MATN2: variants seen among roughly 807,000 people sequenced by gnomAD.
The protein encoded by MATN2 is matrilin 2.
MATN2 carries 69 observed loss-of-function variants against 103.2 expected under a neutral mutation model. The observed-to-expected ratio is 0.67, with a 90% confidence interval of 0.55 to 0.82. MATN2 has a LOEUF of 0.82. Among genes scored for constraint, MATN2 ranks in the 40% least tolerant of loss-of-function variants. The probability of loss-of-function intolerance (pLI) is 0.00; values close to 1 mark genes in which losing one functional copy is unlikely to be tolerated. For synonymous variants in MATN2, 429 were observed against 450.2 expected (o/e 0.95, Z 0.60); for missense variants, 1,023 against 1,211.5 (o/e 0.84, Z 2.31).
At chr8:97,885,334 T>C (rs976521453) in intron 1 of MATN2, among the ~76,000 whole-genome samples, 2 of 152,014 alleles carry the variant, frequency 1.3e-5, no homozygotes, top group African/African-American at 4.8e-5. Context: ...TAAAATAAGG[T>C]GAGGGCATGA....
At chr8:97,911,642 G>A (rs1448558397) in intron 2 of MATN2, among the ~76,000 whole-genome samples, 1 of 150,850 alleles carries the variant, frequency 6.6e-6, no homozygotes, top group Non-Finnish European at 1.5e-5. Flanking sequence ...GGGAGGCAGA[G>A]GTTGTAGTGA....
intron 2 of MATN2, among the ~76,000 whole-genome samples, chr8:97,906,366 A>G (rs555650874): frequency 6.6e-6 from 1 of 152,332 alleles, no homozygotes. Flanking sequence ...TCAAGAGCTC[A>G]GAGATATTGT....
At chr8:98,004,462 G>C (rs1042934327) in intron 8 of MATN2, among the ~76,000 whole-genome samples, 1 of 152,192 alleles carries the variant, frequency 6.6e-6, no homozygotes, top group African/African-American at 2.4e-5. Context: ...ACTTGGGCAA[G>C]TTATTTAACT....
intron 2 of MATN2, among the ~76,000 whole-genome samples, chr8:97,901,977 T>TA (rs1452945099): frequency 1.3e-5 from 2 of 152,188 alleles, no homozygotes; most frequent in Non-Finnish European, 2.9e-5. Flanking sequence ...TCTGTTGTTA[T>TA]AAATTATAGC....
At chr8:97,894,326 T>C (rs1370815803) in intron 2 of MATN2, among the ~76,000 whole-genome samples, 1 of 139,708 alleles carries the variant, frequency 7.2e-6, no homozygotes, top group East Asian at 2.1e-4. Context: ...AATTCACCTT[T>C]TTTTTTTTTT....
chr8:97,905,583 G>A (rs4735508), intron 2 of MATN2, among the ~76,000 whole-genome samples: 21,941 of 152,078 alleles, frequency 0.14, 1,836 homozygotes, highest in Admixed American at 0.24. Flanking sequence ...TCAAAAATAC[G>A]CTACATTTTA....
At chr8:97,889,181 A>C (rs1818541521) in intron 2 of MATN2, among the ~76,000 whole-genome samples, 1 of 152,012 alleles carries the variant, frequency 6.6e-6, no homozygotes, top group African/African-American at 2.4e-5. Context: ...AGAACTGCCC[A>C]GTGACCTGGT....
chr8:97,982,295 C>T lies in MATN2; in HGVS notation c.1081+3287C>T, dbSNP rs1812054027. On this transcript the variant is annotated intron_variant, in intron 6 of 18. Coordinates refer to ENST00000254898, the MANE Select transcript of MATN2 (RefSeq NM_002380.5). The surrounding 1 kb of genome is among the most constrained non-coding windows in gnomAD (Gnocchi z 4.3). Reference sequence around the variant, plus strand: ...AGGGACAAGAACTGAGAAATAGAGACTAGTTAAAATTACAGAAACAGGATA... The same window carrying T: ...AGGGACAAGAACTGAGAAATAGAGATTAGTTAAAATTACAGAAACAGGATA... Among the ~76,000 whole-genome samples, 1 of 152,202 alleles carries T rather than the reference C, an allele frequency of 6.6e-6. No homozygotes were observed. Among genetic ancestry groups the T allele is most frequent in the East Asian group, 1.9e-4 (1 of 5,198 alleles).
intron 14 of MATN2, among the ~76,000 whole-genome samples, chr8:98,029,241 T>A (rs565916616): frequency 4.6e-5 from 7 of 152,324 alleles, no homozygotes; most frequent in Non-Finnish European, 1.0e-4. Context: ...ATCATCTGGA[T>A]AGATTGTAAA....
chr8:97,961,376 C>T lies in MATN2; in HGVS notation c.836-32C>T, dbSNP rs781665124. The T allele has an allele frequency of 2.3e-5, 37 of 1,581,234 alleles. 1 individual carries two copies. Among genetic ancestry groups the T allele is most frequent in the South Asian group, 2.2e-4 (19 of 86,486 alleles). ...TGGGAGCATTCTCAGGTGTGCCTGA[C>T]GTTGTGTTCTAACATCGTGACTTTG... On this transcript the variant is annotated intron_variant, in intron 4 of 18. Transcript: ENST00000254898.
At chr8:98,034,198 T>C (rs1160229765) in intron 18 of MATN2, 1 of 455,792 alleles carries the variant, frequency 2.2e-6, no homozygotes, top group Non-Finnish European at 4.4e-6. Context: ...ATCGGCACTC[T>C]AAAAAATGAA....
chr8:97,935,811 G>A (rs997957694), intron 3 of MATN2, among the ~76,000 whole-genome samples: 2 of 152,212 alleles, frequency 1.3e-5, no homozygotes, highest in African/African-American at 4.8e-5. Context: ...GTTGAGACGT[G>A]AGCCTAGGCA....
chr8:97,888,207 G>A lies in MATN2; in HGVS notation c.107G>A (p.Arg36Lys). ...RSRGRSISRGRHARTHPQTAL... is the reference protein window; with the variant it reads ...RSRGRSISRGKHARTHPQTAL... Reference sequence around the variant, plus strand: ...CGTGGGAGGTCCATCTCTAGGGGCAGACACGCTCGGACCCACCCGCAGACG... The same window carrying A: ...CGTGGGAGGTCCATCTCTAGGGGCAAACACGCTCGGACCCACCCGCAGACG... The change falls in exon 2 of 19, where the codon AGA (arginine) becomes AAA (lysine). Residue 36 changes from arginine to lysine, a missense_variant. Arg to Lys is a conservative substitution (Grantham distance 26). Transcript: ENST00000254898. The A allele has an allele frequency of 6.3e-7, 1 of 1,587,566 alleles. No homozygotes were observed. Among genetic ancestry groups the A allele is most frequent in the Non-Finnish European group, 8.6e-7 (1 of 1,165,202 alleles).
intron 1 of MATN2, among the ~76,000 whole-genome samples, chr8:97,878,759 G>C (rs1354847778): frequency 6.6e-6 from 1 of 152,100 alleles, no homozygotes; most frequent in Non-Finnish European, 1.5e-5. Flanking sequence ...GCTGAGGCAG[G>C]AGAGTCACTT....
intron 2 of MATN2, among the ~76,000 whole-genome samples, chr8:97,913,904 C>G (rs1234536794): frequency 6.6e-6 from 1 of 152,210 alleles, no homozygotes; most frequent in Non-Finnish European, 1.5e-5. Context: ...CATGGGCCAC[C>G]TTGCTCAGCC....
chr8:97,989,195 C>T lies in MATN2; in HGVS notation c.1082-5285C>T, dbSNP rs1028754564. Among the ~76,000 whole-genome samples, 8 of 152,124 alleles carry T rather than the reference C, an allele frequency of 5.3e-5. No homozygotes were observed. In the South Asian group the frequency reaches 1.4e-3, roughly 28 times the overall value. On this transcript the variant is annotated intron_variant, in intron 6 of 18. Transcript: ENST00000254898. The stretch of plus-strand genomic sequence containing the variant: ...CAAATTAGGAATGAAGGTGGCCAGG[C>T]GTGGTGGCTCACGCCTGTAATCCCA...
chr8:98,031,022 G>T (rs535342208), intron 15 of MATN2, among the ~76,000 whole-genome samples: 3 of 152,218 alleles, frequency 2.0e-5, no homozygotes, highest in Admixed American at 2.0e-4. Context: ...CATGGGCAGG[G>T]CCAGCAATGC....
chr8:97,919,815 G>C (rs1273019529), intron 2 of MATN2, among the ~76,000 whole-genome samples: 3 of 152,230 alleles, frequency 2.0e-5, no homozygotes, highest in African/African-American at 7.2e-5. Context: ...CCAGGTAGCT[G>C]CATGTGTGAG....
At chr8:97,951,569 C>T (rs959500516) in intron 4 of MATN2, among the ~76,000 whole-genome samples, 4 of 152,122 alleles carry the variant, frequency 2.6e-5, no homozygotes, top group Admixed American at 1.3e-4. Flanking sequence ...TTCCCAAGCC[C>T]TCCAGGGGAT....
Sources: gnomAD v4.1 joint callset for allele counts (sites outside exome capture counted in the v4.1 genomes callset) on GRCh38, gnomAD v4.1.1 for gene constraint, Gnocchi (gnomAD v3.1) non-coding constraint, MANE v1.5 for transcripts, NCBI Gene and HGNC (gene_info 2026-07-23, HGNC 2026-07-21) for gene names.